UGT1A10: variants seen among roughly 807,000 people sequenced by gnomAD.
UGT1A10 encodes UDP glucuronosyltransferase family 1 member A10, also known as UDP-glucuronosyltransferase 1A10.
Under a neutral mutation model 45.8 loss-of-function variants are expected in UGT1A10, and 49 were observed. The observed-to-expected ratio is 1.07, with a 90% CI of 0.85 to 1.36. The LOEUF (loss-of-function observed/expected upper bound fraction) is 1.36, where lower values mean the gene tolerates loss of function less well. UGT1A10 is among the 40% of genes most tolerant of loss of function. UGT1A10 has a pLI of 0.00. For synonymous variants in UGT1A10, 284 were observed against 249.7 expected (o/e 1.14, Z -1.29); for missense variants, 745 against 668.6 (o/e 1.11, Z -1.26).
intron 1 of UGT1A10, among the ~76,000 whole-genome samples, chr2:233,661,444 C>G (rs907309356): frequency 2.6e-5 from 4 of 152,104 alleles, no homozygotes; most frequent in Non-Finnish European, 5.9e-5. Context: ...AATCTTTAAC[C>G]CACAGATGGA....
chr2:233,639,929 CTT>C (rs199809969), intron 1 of UGT1A10, among the ~76,000 whole-genome samples: 173 of 152,322 alleles, frequency 1.1e-3, no homozygotes, highest in African/African-American at 3.9e-3. Context: ...GGAAGTCACT[CTT>C]AGTCTCTTTG....
intron 1 of UGT1A10, chr2:233,693,898 T>C: frequency 6.2e-7 from 1 of 1,613,782 alleles, no homozygotes; most frequent in Non-Finnish European, 8.5e-7. Flanking sequence ...GACTGCCTTG[T>C]TTCTTCCAGG....
intron 1 of UGT1A10, chr2:233,754,915 G>A (rs747609109): frequency 3.0e-6 from 4 of 1,353,928 alleles, no homozygotes; most frequent in Admixed American, 1.9e-5. Context: ...ATATTCTCCA[G>A]CGGGTTTCCC....
intron 1 of UGT1A10, among the ~76,000 whole-genome samples, chr2:233,675,871 C>T (rs2074338080): frequency 6.6e-6 from 1 of 152,134 alleles, no homozygotes; most frequent in South Asian, 2.1e-4. Flanking sequence ...AAATTTGTTA[C>T]ATAGCCACAA....
intron 1 of UGT1A10, among the ~76,000 whole-genome samples, chr2:233,663,593 A>T (rs1385255574): frequency 2.0e-5 from 3 of 152,124 alleles, no homozygotes; most frequent in Non-Finnish European, 4.4e-5. Context: ...ATGAATCCTA[A>T]ACCATAATTT....
At chr2:233,709,981 A>G (rs770684245) in intron 1 of UGT1A10, among the ~76,000 whole-genome samples, 8 of 152,180 alleles carry the variant, frequency 5.3e-5, no homozygotes, top group Non-Finnish European at 1.2e-4. Flanking sequence ...CTAGAGTTTC[A>G]TCTGAATGGA....
chr2:233,739,714 GGACTT>G (rs1004679723), intron 1 of UGT1A10, among the ~76,000 whole-genome samples: 28 of 152,292 alleles, frequency 1.8e-4, no homozygotes, highest in African/African-American at 6.3e-4. Context: ...ATGGGGGAAG[GGACTT>G]GACTTGTCTC....
intron 1 of UGT1A10, among the ~76,000 whole-genome samples, chr2:233,696,293 A>G (rs2075336529): frequency 2.0e-5 from 3 of 152,250 alleles, no homozygotes. Flanking sequence ...GGACTGTAAT[A>G]TCGTGAAATA....
intron 1 of UGT1A10, among the ~76,000 whole-genome samples, chr2:233,744,973 G>T (rs771503200): frequency 1.3e-5 from 2 of 151,732 alleles, no homozygotes; most frequent in African/African-American, 2.4e-5. Context: ...CCTTCTTTAA[G>T]CCTCTAGTCA....
intron 1 of UGT1A10, chr2:233,682,194 A>T: frequency 1.2e-6 from 2 of 1,614,248 alleles, no homozygotes; most frequent in African/African-American, 1.3e-5. Flanking sequence ...CTGGAGGATC[A>T]GGACCGGGAG....
chr2:233,733,388 G>A (rs1393287938), intron 1 of UGT1A10, among the ~76,000 whole-genome samples: 2 of 152,180 alleles, frequency 1.3e-5, no homozygotes. Flanking sequence ...TTTTGTGCCA[G>A]TTTTCAAAGG....
chr2:233,726,899 A>G (rs1208700222), intron 1 of UGT1A10, among the ~76,000 whole-genome samples: 1 of 152,092 alleles, frequency 6.6e-6, no homozygotes, highest in Non-Finnish European at 1.5e-5. Context: ...CTTACCATTC[A>G]ATTATCTCCT....
chr2:233,768,495 T>C (rs1699626018), intron 4 of UGT1A10, 56 bp downstream of exon 4: 19 of 1,573,996 alleles, frequency 1.2e-5, no homozygotes, highest in Non-Finnish European at 1.5e-5. Flanking sequence ...ATAAAATTGT[T>C]TCAAATATGA....
intron 1 of UGT1A10, among the ~76,000 whole-genome samples, chr2:233,662,877 T>TAA (rs2074003593): frequency 3.3e-5 from 5 of 151,878 alleles, no homozygotes; most frequent in Admixed American, 2.0e-4. Context: ...TTTCTGTAAC[T>TAA]ATTAAGATTG....
intron 1 of UGT1A10, chr2:233,729,655 C>G (rs2077902514): frequency 6.2e-7 from 1 of 1,613,788 alleles, no homozygotes; most frequent in African/African-American, 1.3e-5. Flanking sequence ...GAGGAACATT[C>G]CATGTGATTT....
At chr2:233,704,796 T>TTA (rs2075807222) in intron 1 of UGT1A10, among the ~76,000 whole-genome samples, 1 of 152,134 alleles carries the variant, frequency 6.6e-6, no homozygotes, top group African/African-American at 2.4e-5. Flanking sequence ...AACAATATAA[T>TTA]TATATATATG....
intron 1 of UGT1A10, among the ~76,000 whole-genome samples, chr2:233,701,759 A>C (rs1211799362): frequency 5.3e-5 from 8 of 152,238 alleles, no homozygotes; most frequent in African/African-American, 1.9e-4. Flanking sequence ...GTACATAACG[A>C]AATGAAGGCA....
At chr2:233,705,239 T>C (rs1425135036) in intron 1 of UGT1A10, among the ~76,000 whole-genome samples, 1 of 152,242 alleles carries the variant, frequency 6.6e-6, no homozygotes, top group Non-Finnish European at 1.5e-5. Flanking sequence ...TTTTTCTGTA[T>C]GAATTCAGAT....
chr2:233,646,292 G>A (rs1211502809), intron 1 of UGT1A10, among the ~76,000 whole-genome samples: 3 of 152,216 alleles, frequency 2.0e-5, no homozygotes, highest in East Asian at 3.9e-4. Flanking sequence ...AGGGACTGCT[G>A]TGAAGACCTC....
Sources: allele counts gnomAD v4.1 joint callset (sites outside exome capture counted in the v4.1 genomes callset), GRCh38; gene constraint gnomAD v4.1.1; transcripts MANE v1.5; gene names NCBI Gene and HGNC (gene_info 2026-07-23, HGNC 2026-07-21).